The following C5 variants were observed in gnomAD, a reference collection of about 807,000 sequenced individuals.
C5 encodes C3 and PZP-like alpha-2-macroglobulin domain-containing protein 4.
A neutral mutation model predicts 218.8 loss-of-function variants in C5; 140 were observed. That is an observed-to-expected ratio of 0.64 (90% CI 0.56 to 0.74). The LOEUF is 0.74. Among genes scored for constraint, C5 ranks in the 30% least tolerant of loss-of-function variants. The probability of loss-of-function intolerance (pLI) is 0.00; values close to 1 mark genes in which losing one functional copy is unlikely to be tolerated. For missense variants in C5, 1,700 were observed against 1,969.6 expected, an observed-to-expected ratio of 0.86 and a Z score of 2.59; for synonymous variants, 614 against 682.3, an observed-to-expected ratio of 0.90 and a Z score of 1.56.
intron 5 of C5, 145 bp from the exon 6 acceptor site, chr9:121,032,340 T>G (rs2047483153): frequency 1.7e-6 from 1 of 579,256 alleles, no homozygotes; most frequent in Non-Finnish European, 3.1e-6. Flanking sequence ...TTGTGACTGA[T>G]TTTTAAGCAA....
At chr9:120,991,333 G>A in intron 22 of C5, 53 bp from the exon 23 acceptor site, 1 of 958,884 alleles carries the variant, frequency 1.0e-6, no homozygotes, top group Non-Finnish European at 1.7e-6. Context: ...AAGACTGTTT[G>A]CAGATTATTT....
intron 4 of C5, among the ~76,000 whole-genome samples, chr9:121,036,353 C>T (rs982740470): frequency 1.3e-5 from 2 of 152,098 alleles, no homozygotes; most frequent in African/African-American, 4.8e-5. Flanking sequence ...TCAATCTTTT[C>T]TTCCTGGGGC....
chr9:121,046,238 C>T lies in C5; in HGVS notation c.211G>A (p.Val71Ile). The change falls in exon 2 of 41, where the codon GTT becomes ATT. Residue 71 changes from valine (V) to isoleucine (I), a missense_variant. Coordinates refer to ENST00000223642, the MANE Select transcript of C5 (RefSeq NM_001735.3). ...DKKFSYSSGHVHLSSENKFQN... is the reference protein window; with the variant it reads ...DKKFSYSSGHIHLSSENKFQN... ...AATTTATTCTCTGAGGATAAATGAA[C>T]ATGGCCTGAGGAGTAACTAAATTTT... The T allele has an allele frequency of 6.2e-7, 1 of 1,606,118 alleles. No individual in the cohort carries two copies.
chr9:121,022,029 T>A (rs41308952), intron 10 of C5, among the ~76,000 whole-genome samples: 1,908 of 152,318 alleles, frequency 0.013, 40 homozygotes, highest in African/African-American at 0.044. Context: ...ATTCTCAGCT[T>A]ATAGAAAGAT....
chr9:120,975,077 T>C (rs1241664225), intron 29 of C5, 146 bp from the exon 30 acceptor site: 6 of 843,556 alleles, frequency 7.1e-6, no homozygotes, highest in African/African-American at 1.7e-5. Flanking sequence ...AGAGCCCCAT[T>C]GTGGAGGTGG....
the C5 span, among the ~76,000 whole-genome samples, chr9:121,061,086 G>T: frequency 6.6e-6 from 1 of 152,166 alleles, no homozygotes; most frequent in Non-Finnish European, 1.5e-5. Flanking sequence ...TACTCAGGAG[G>T]CTGAGGCAGG....
At chr9:120,983,038 C>T (rs1456051606) in intron 25 of C5, among the ~76,000 whole-genome samples, 1 of 152,168 alleles carries the variant, frequency 6.6e-6, no homozygotes. Flanking sequence ...ACATTGTCCG[C>T]TAGCACACAA....
intron 38 of C5, among the ~76,000 whole-genome samples, chr9:120,959,542 T>C (rs2046811238): frequency 6.6e-6 from 1 of 152,202 alleles, no homozygotes; most frequent in African/African-American, 2.4e-5. Flanking sequence ...ATTACAGGCA[T>C]GAGCCACTGC....
Position 121,015,227 on chromosome 9 carries a change from T to C in C5, c.2031A>G (p.Arg677=). 1 of 1,608,246 alleles carries C rather than the reference T, an allele frequency of 6.2e-7. No homozygotes were observed. Among genetic ancestry groups the C allele is most frequent in the Non-Finnish European group, 8.5e-7 (1 of 1,175,826 alleles). The change falls in exon 16 of 41, where the codon AGA becomes AGG. Residue 677 remains arginine (R), a synonymous_variant. Transcript: ENST00000223642. The part of the protein sequence containing the change: ...EPCKEILRPR[R]TLQKKIEEIA... ...TTTCTTCTATCTTCTTTTGCAGCGTTCTTCTTGGCCTGAGAATTTCTTTAC... is the reference window on the plus strand; with the variant it reads ...TTTCTTCTATCTTCTTTTGCAGCGTCCTTCTTGGCCTGAGAATTTCTTTAC...
At chr9:121,070,461 T>C in the C5 span, among the ~76,000 whole-genome samples, 1 of 147,772 alleles carries the variant, frequency 6.8e-6, no homozygotes, top group Non-Finnish European at 1.5e-5. Flanking sequence ...TATATATGTA[T>C]ATTCTGTATG....
chr9:121,030,043 C>T (rs1440050658), intron 7 of C5, among the ~76,000 whole-genome samples: 1 of 152,082 alleles, frequency 6.6e-6, no homozygotes, highest in African/African-American at 2.4e-5. Context: ...GAAGTAGTTA[C>T]GCAGCATTAG....
intron 5 of C5, among the ~76,000 whole-genome samples, chr9:121,034,580 T>A (rs1172631807): frequency 6.6e-6 from 1 of 152,240 alleles, no homozygotes; most frequent in East Asian, 1.9e-4. Flanking sequence ...TACTATTTTT[T>A]CCTCTTCCCA....
At chr9:120,994,579 T>TC (rs2047102148) in intron 22 of C5, among the ~76,000 whole-genome samples, 1 of 136,326 alleles carries the variant, frequency 7.3e-6, no homozygotes, top group African/African-American at 2.5e-5. Flanking sequence ...TGAGACCCTG[T>TC]CCCCCCACCC....
intron 38 of C5, among the ~76,000 whole-genome samples, chr9:120,957,940 T>C (rs2046798268): frequency 6.6e-6 from 1 of 152,250 alleles, no homozygotes; most frequent in African/African-American, 2.4e-5. Context: ...CAGATATCAA[T>C]GTTTGATGCA....
At chr9:121,033,685 C>A (rs1385250504) in intron 5 of C5, among the ~76,000 whole-genome samples, 4 of 152,098 alleles carry the variant, frequency 2.6e-5, no homozygotes, top group Admixed American at 1.3e-4. Context: ...TTTAAATTAT[C>A]CAAGTTATTT....
Position 121,015,227 on chromosome 9 carries a change from T to G in C5, c.2031A>C (p.Arg677Ser). The change falls in exon 16 of 41, where the codon AGA becomes AGC. Residue 677 changes from arginine (R) to serine (S), a missense_variant. Transcript: ENST00000223642. ...TTTCTTCTATCTTCTTTTGCAGCGT[T>G]CTTCTTGGCCTGAGAATTTCTTTAC... is the stretch of plus-strand genomic sequence containing the variant. The part of the protein sequence containing the change: ...EPCKEILRPR[R>S]TLQKKIEEIA... The G allele has an allele frequency of 6.2e-7, 1 of 1,608,248 alleles. No individual in the cohort carries two copies. Among genetic ancestry groups the G allele is most frequent in the Non-Finnish European group, 8.5e-7 (1 of 1,175,828 alleles).
intron 8 of C5, among the ~76,000 whole-genome samples, chr9:121,026,146 AT>A (rs1190298057): frequency 6.6e-6 from 1 of 152,150 alleles, no homozygotes; most frequent in African/African-American, 2.4e-5. Context: ...AGAATTTTGC[AT>A]TTTAAAAATG....
the C5 span, among the ~76,000 whole-genome samples, chr9:121,062,170 T>C: frequency 2.0e-5 from 3 of 152,188 alleles, no homozygotes; most frequent in African/African-American, 7.2e-5. Flanking sequence ...TGCCCCGGCT[T>C]GCTCAGCCAC....
chr9:121,064,671 G>T, the C5 span, among the ~76,000 whole-genome samples: 65 of 152,152 alleles, frequency 4.3e-4, no homozygotes, highest in African/African-American at 1.5e-3. Flanking sequence ...TAAAATATCA[G>T]ATCTTCTAAG....
Sources: gnomAD v4.1 joint callset for allele counts (sites outside exome capture counted in the v4.1 genomes callset) on GRCh38, gnomAD v4.1.1 for gene constraint, MANE v1.5 for transcripts, NCBI Gene and HGNC (gene_info 2026-07-23, HGNC 2026-07-21) for gene names.